The following HTRA2 variants were observed in gnomAD, a reference collection of about 807,000 sequenced individuals.
The protein encoded by HTRA2 is HtrA serine peptidase 2.
Under a neutral mutation model 42.2 loss-of-function variants are expected in HTRA2, and 24 were observed. The ratio of observed to expected loss-of-function variants is 0.57; its 90% CI spans 0.41 to 0.80. The LOEUF (loss-of-function observed/expected upper bound fraction) is 0.80. Among genes scored for constraint, HTRA2 ranks in the 30% least tolerant of loss-of-function variants. HTRA2 has a pLI of 0.00. For synonymous variants in HTRA2, 245 were observed against 255.8 expected (o/e 0.96, Z 0.40); for missense variants, 466 against 613.5 (o/e 0.76, Z 2.54).
At position 74,530,185 on chromosome 2, in the gene HTRA2, G is replaced by T. The variant is rs573204627; in HGVS notation, c.179G>T (p.Arg60Leu). The T allele has an allele frequency of 2.5e-6, 4 of 1,611,516 alleles. No homozygotes were observed. The African/African-American group carries it at 5.3e-5, about 22-fold the overall frequency. ...VTYGTPSLWARLSVGVTEPRA... is the reference protein window; with the variant it reads ...VTYGTPSLWALLSVGVTEPRA... ...TATGGGACCCCCAGTCTCTGGGCCC[G>T]GTTGTCTGTTGGGGTCACTGAACCC... Residue 60 changes from arginine (R) to leucine (L), a missense_variant, in exon 1 of 8, where the codon CGG becomes CTG. Physicochemically the swap from Arg to Leu is moderately radical, Grantham distance 102. Transcript: ENST00000258080. The surrounding 1 kb of genome is among the most constrained non-coding windows in gnomAD (Gnocchi z 7.4).
In HTRA2 at chr2:74,532,694, C is replaced by T. The variant is rs767720885; in HGVS notation, c.1191C>T (p.Ile397=). The T allele has an allele frequency of 6.2e-7, 1 of 1,613,874 alleles. No individual in the cohort carries two copies. Among genetic ancestry groups the T allele is most frequent in the Non-Finnish European group, 8.5e-7 (1 of 1,179,978 alleles). Residue 397 remains isoleucine, a synonymous_variant, in exon 7 of 8, where the codon ATC becomes ATT. Transcript: ENST00000258080. ...VQHGVLIHKV[I]LGSPAHRAGL... is the part of the protein sequence containing the mutation. ...ATGGTGTACTCATCCATAAAGTCAT[C>T]CTGGGCTCCCCTGCACACCGGTGAG...
In HTRA2 at chr2:74,531,120, G is replaced by C; in HGVS notation, c.906+15G>C. 1 of 1,613,570 alleles carries C rather than the reference G, an allele frequency of 6.2e-7. No individual in the cohort carries two copies. The highest frequency in any genetic ancestry group is 1.7e-5 in the Admixed American group (1 of 60,026). Reference sequence around the variant, plus strand: ...CAGCTATTGATGTGCGTCCTGATAGGAGAGAAATGACAAATGATGGGGGAG... The same window carrying C: ...CAGCTATTGATGTGCGTCCTGATAGCAGAGAAATGACAAATGATGGGGGAG... On this transcript the variant is annotated intron_variant, in intron 3 of 7. Coordinates refer to ENST00000258080, the MANE Select transcript of HTRA2 (RefSeq NM_013247.5).
In HTRA2 at chr2:74,533,209, G is replaced by C; in HGVS notation, c.*224G>C. ...AGTAAAAAATGAGGTGGGAGGGCTG[G>C]ATCTTTTCCCCCACCAAAAGGCTAG... On this transcript the variant is annotated 3_prime_UTR_variant, in exon 8 of 8. Coordinates refer to ENST00000258080, the MANE Select transcript of HTRA2 (RefSeq NM_013247.5). 1.7e-6 allele frequency: 1 copy of C among 578,848 alleles called. No individual in the cohort carries two copies. Among genetic ancestry groups the C allele is most frequent in the Non-Finnish European group, 3.1e-6 (1 of 327,464 alleles). The allele number at this position is 578,848 out of a possible 1,614,324, so 35.9% of individuals were successfully genotyped here. A position where few individuals can be genotyped will look rare whatever the true frequency, so the allele number is the denominator to read the frequency against.
upstream of HTRA2, chr2:74,529,633 T>A: frequency 6.4e-7 from 1 of 1,564,222 alleles, no homozygotes; most frequent in Non-Finnish European, 8.6e-7. Context: ...GCTCCATAAC[T>A]GCTGCTTCAG....
chr2:74,529,447 C>G (rs750637782), upstream of HTRA2: 4 of 1,568,980 alleles, frequency 2.5e-6, no homozygotes, highest in Admixed American at 7.6e-5. Flanking sequence ...AGGCAGAACC[C>G]GACTGGCGCG....
At chr2:74,531,563 T>C (rs770452684) in intron 4 of HTRA2, 34 bp from the exon 5 acceptor site, 1 of 1,614,030 alleles carries the variant, frequency 6.2e-7, no homozygotes, top group South Asian at 1.1e-5. Context: ...TACTATTTGT[T>C]TAGGCTAGGG....
At chr2:74,533,321 C>A, downstream of HTRA2, 1 of 531,194 alleles carries the variant, frequency 1.9e-6, no homozygotes, top group Non-Finnish European at 3.3e-6. Flanking sequence ...CTGCTGCCAT[C>A]TTTTGTGGGC....
upstream of HTRA2, chr2:74,529,525 G>C (rs1361671442): frequency 6.5e-7 from 1 of 1,548,502 alleles, no homozygotes; most frequent in Non-Finnish European, 8.8e-7. Context: ...GAAGTGGTCA[G>C]GCGCCGAAGG....
In HTRA2 at chr2:74,530,237, G is replaced by T. The variant is rs1431874405; in HGVS notation, c.231G>T (p.Pro77=). The T allele has an allele frequency of 6.2e-7, 1 of 1,609,322 alleles. No homozygotes were observed. The highest frequency in any genetic ancestry group is 1.7e-5 in the Admixed American group (1 of 59,596). ...EPRACLTSGT[P]GPRAQLTAVT... ...GAGCATGCCTGACGTCTGGGACCCC[G>T]GGTCCCCGGGCACAACTGACTGCGG... The change falls in exon 1 of 8, where the codon CCG becomes CCT. Residue 77 remains proline, a synonymous_variant. Transcript: ENST00000258080. This position sits in a 1 kb window ranked among gnomAD's most constrained non-coding sequence, Gnocchi z 7.4.
chr2:74,529,452 G>A (rs1184549010), upstream of HTRA2: 1 of 1,566,858 alleles, frequency 6.4e-7, no homozygotes, highest in African/African-American at 1.4e-5. Flanking sequence ...GAACCCGACT[G>A]GCGCGTAGAG....
Position 74,530,408 on chromosome 2 carries a change from C to T in HTRA2, c.402C>T (p.Ala134=). The change falls in exon 1 of 8, where the codon GCC becomes GCT. Residue 134 remains alanine, a synonymous_variant. Transcript: ENST00000258080. This position sits in a 1 kb window ranked among gnomAD's most constrained non-coding sequence, Gnocchi z 7.4. ...GGRGPPAVLA[A]VPSPPPASPR... is the part of the protein sequence containing the mutation. ...GGGGTCCTCCGGCCGTCCTCGCCGC[C>T]GTCCCTAGCCCGCCGCCCGCTTCTC... The T allele has an allele frequency of 1.3e-6, 2 of 1,598,114 alleles. No homozygotes were observed. The highest frequency in any genetic ancestry group is 1.1e-5 in the South Asian group (1 of 90,306).
rs1425550515 is a variant in HTRA2 at position 74,533,283 on chromosome 2, A to G, written c.*298A>G. On this transcript the variant is annotated 3_prime_UTR_variant, in exon 8 of 8. Transcript: ENST00000258080. ...CTTAGGGGAGATACTGGAGCTGACC[A>G]TCCTGACCTCCTATTAAAGAAAATG... The G allele has an allele frequency of 5.6e-6, 3 of 535,670 alleles. No homozygotes were observed. The highest frequency in any genetic ancestry group is 1.0e-5 in the Non-Finnish European group (3 of 301,218). 33.2% of individuals were successfully genotyped at this position (535,670 alleles called of 1,614,324 possible).
rs749157271 is a variant in HTRA2 at position 74,530,998 on chromosome 2, C to T, written c.799C>T (p.Gln267Ter). The change falls in exon 3 of 8, where the codon CAG (glutamine) becomes TAG (stop). Residue 267 changes from glutamine to a stop codon, truncating the protein, a stop_gained. Transcript: ENST00000258080. LOFTEE classifies it high-confidence loss of function. This position sits in a 1 kb window ranked among gnomAD's most constrained non-coding sequence, Gnocchi z 7.4. ...TGCCATGGGAAGTCCCTTTGCACTG[C>T]AGAACACGATCACATCCGGCATTGT... The part of the protein sequence containing the change: ...VVAMGSPFAL[Q>*]NTITSGIVSS... 1.2e-6 allele frequency: 2 copies of T among 1,614,214 alleles called. No individual in the cohort carries two copies. The highest frequency in any genetic ancestry group is 3.3e-5 in the Admixed American group (2 of 60,030).
In HTRA2 at chr2:74,531,667, G is replaced by A. The variant is rs147035021; in HGVS notation, c.1010G>A (p.Arg337His). Reference sequence around the variant, plus strand: ...ATCTCCTTTGCCATCCCTTCTGATCGTCTTCGAGAGTTTCTGCATCGTGGG... The same window carrying A: ...ATCTCCTTTGCCATCCCTTCTGATCATCTTCGAGAGTTTCTGCATCGTGGG... Reference protein sequence around the residue: ...AGISFAIPSDRLREFLHRGEK... With the variant: ...AGISFAIPSDHLREFLHRGEK... Residue 337 changes from arginine (R) to histidine (H), a missense_variant, in exon 5 of 8, where the codon CGT becomes CAT. Physicochemically the swap from Arg to His is conservative, Grantham distance 29. Coordinates refer to ENST00000258080, the MANE Select transcript of HTRA2 (RefSeq NM_013247.5). 60 of 1,614,142 alleles carry A rather than the reference G, an allele frequency of 3.7e-5. No individual in the cohort carries two copies. The highest frequency in any genetic ancestry group is 2.5e-4 in the African/African-American group (19 of 75,026).
intron 4 of HTRA2, 105 bp from the exon 5 acceptor site, chr2:74,531,492 C>T (rs1443408269): frequency 1.2e-6 from 2 of 1,606,288 alleles, no homozygotes; most frequent in Non-Finnish European, 1.7e-6. Flanking sequence ...GGCTATCTCT[C>T]AATATCCAAC....
chr2:74,532,897 C>G lies in HTRA2; in HGVS notation c.1289C>G (p.Ala430Gly). The change falls in exon 8 of 8, where the codon GCT (alanine) becomes GGT (glycine). Residue 430 changes from alanine to glycine, a missense_variant. Ala to Gly is a moderately conservative substitution (Grantham distance 60, BLOSUM62 0). Coordinates refer to ENST00000258080, the MANE Select transcript of HTRA2 (RefSeq NM_013247.5). The part of the protein sequence containing the change: ...MVQNAEDVYE[A>G]VRTQSQLAVQ... ...CAAAATGCTGAAGATGTTTATGAAG[C>G]TGTTCGAACCCAATCCCAGTTGGCA... 6.2e-7 allele frequency: 1 copy of G among 1,614,114 alleles called. No homozygotes were observed. Among genetic ancestry groups the G allele is most frequent in the Non-Finnish European group, 8.5e-7 (1 of 1,180,010 alleles).
chr2:74,529,736 G>A, upstream of HTRA2: 1 of 1,517,650 alleles, frequency 6.6e-7, no homozygotes, highest in Non-Finnish European at 8.8e-7. Flanking sequence ...CCGGGGTGAG[G>A]GGACCCGAAG....
At chr2:74,531,574 A>G in intron 4 of HTRA2, 23 bp from the exon 5 acceptor site, 1 of 1,614,112 alleles carries the variant, frequency 6.2e-7, no homozygotes, top group Non-Finnish European at 8.5e-7. Flanking sequence ...TAGGCTAGGG[A>G]ACTGGGGGCT....
chr2:74,531,599 T>C lies in HTRA2; in HGVS notation c.942T>C (p.Asp314=), dbSNP rs1208710632. 3 of 1,614,142 alleles carry C rather than the reference T, an allele frequency of 1.9e-6. No homozygotes were observed. In the Admixed American group the frequency reaches 5.0e-5, roughly 27 times the overall value. The stretch of plus-strand genomic sequence containing the variant: ...AACTGGGGGCTGTATCCCTGCAGGA[T>C]GGGGAGGTGATTGGAGTGAACACCA... The part of the protein sequence containing the change: ...GNSGGPLVNL[D]GEVIGVNTMK... The change falls in exon 5 of 8, where the codon GAT becomes GAC. Residue 314 remains aspartate, a splice_region_variant and synonymous_variant. Coordinates refer to ENST00000258080, the MANE Select transcript of HTRA2 (RefSeq NM_013247.5).
Sources: gnomAD v4.1 joint callset for allele counts on GRCh38, gnomAD v4.1.1 for gene constraint, Gnocchi (gnomAD v3.1) non-coding constraint, MANE v1.5 for transcripts, NCBI Gene and HGNC (gene_info 2026-07-23, HGNC 2026-07-21) for gene names.